Variants in RBM28 observed in about 807,000 individuals in gnomAD.
RBM28 encodes RNA binding motif protein 28, also known as RNA-binding protein 28.
A neutral mutation model predicts 98.3 loss-of-function variants in RBM28; 78 were observed. The observed-to-expected ratio is 0.79, with a 90% confidence interval of 0.66 to 0.96. RBM28 has a LOEUF of 0.96. Among genes scored for constraint, RBM28 ranks in the 40% least tolerant of loss-of-function variants. The probability of loss-of-function intolerance (pLI) is 0.00; values close to 1 mark genes in which losing one functional copy is unlikely to be tolerated. For synonymous variants in RBM28, 306 were observed against 330.9 expected (o/e 0.92, Z 0.82); for missense variants, 838 against 913.0 (o/e 0.92, Z 1.06).
At chr7:128,324,058 A>T (rs568208852) in intron 12 of RBM28, among the ~76,000 whole-genome samples, 4 of 152,366 alleles carry the variant, frequency 2.6e-5, no homozygotes, top group African/African-American at 9.6e-5. Context: ...GTCGAAGGCT[A>T]AAGGACATTA....
At chr7:128,335,732 A>C in intron 7 of RBM28, 53 bp from the exon 8 acceptor site, 3 of 1,613,878 alleles carry the variant, frequency 1.9e-6, no homozygotes, top group Non-Finnish European at 2.5e-6. Context: ...GGGCCTATTC[A>C]ATTTCATTAC....
Position 128,338,786 on chromosome 7 carries a change from A to C in RBM28, c.388T>G (p.Leu130Val). ...NLSFKCSEDD[L>V]KTVFAQFGAV... ...CCAAATTGAGCAAATACTGTCTTCAAGTCATCTTCTGAACACTGAAGCCAA... is the reference window on the plus strand; with the variant it reads ...CCAAATTGAGCAAATACTGTCTTCACGTCATCTTCTGAACACTGAAGCCAA... The change falls in exon 4 of 19, where the codon TTG (leucine) becomes GTG (valine). Residue 130 changes from leucine to valine, a missense_variant. Leu to Val is a conservative substitution (Grantham distance 32, BLOSUM62 1). Transcript: ENST00000223073. 6.2e-7 allele frequency: 1 copy of C among 1,611,326 alleles called. No homozygotes were observed. The highest frequency in any genetic ancestry group is 8.5e-7 in the Non-Finnish European group (1 of 1,177,494).
chr7:128,338,209 C>A (rs370025320), intron 5 of RBM28, 41 bp downstream of exon 5: 56 of 1,489,078 alleles, frequency 3.8e-5, no homozygotes, highest in Non-Finnish European at 5.2e-5. Context: ...ACCAAAACAC[C>A]AGAAATATCT....
At chr7:128,336,115 A>G in intron 6 of RBM28, 73 bp from the exon 7 acceptor site, 2 of 1,365,936 alleles carry the variant, frequency 1.5e-6, no homozygotes, top group East Asian at 4.8e-5. Flanking sequence ...AAAGTAACCA[A>G]TACTCCAAGT....
chr7:128,306,957 A>G lies in RBM28; in HGVS notation c.*3840T>C, dbSNP rs930730408. On this transcript the variant is annotated 3_prime_UTR_variant, in exon 19 of 19. Transcript: ENST00000223073. ...AGGAAGAGGTACCAGGACAAGAAGG[A>G]AAGAACTAAAACAAGGATGTGAATA... The G allele has an allele frequency of 4.6e-5, 7 of 152,192 alleles. No homozygotes were observed. The highest frequency in any genetic ancestry group is 2.6e-4 in the Admixed American group (4 of 15,280). 9.4% of individuals were successfully genotyped at this position (152,192 alleles called of 1,614,324 possible). A position where few individuals can be genotyped will look rare whatever the true frequency, so the allele number is the denominator to read the frequency against.
chr7:128,322,097 AAAT>A (rs1268349866), intron 13 of RBM28, among the ~76,000 whole-genome samples: 1 of 152,022 alleles, frequency 6.6e-6, no homozygotes, highest in Non-Finnish European at 1.5e-5. Context: ...AACAAACAAC[AAAT>A]AATACTGTGA....
At chr7:128,341,296 G>T in intron 1 of RBM28, 1 of 686,000 alleles carries the variant, frequency 1.5e-6, no homozygotes, top group Non-Finnish European at 2.2e-6. Flanking sequence ...TCACCTTTCA[G>T]AAAATGAGCA....
rs373595707 is a variant in RBM28 at position 128,301,142 on chromosome 7, C to G, written c.*9655G>C. On this transcript the variant is annotated 3_prime_UTR_variant, in exon 19 of 19. Coordinates refer to ENST00000223073, the MANE Select transcript of RBM28 (RefSeq NM_018077.3). ...AGCCAATCACCCTGGAAGTGGGCAA[C>G]CAGTCTTTCTCCCCTTTCCTGTGAA... 6.6e-6 allele frequency: 1 copy of G among 152,276 alleles called. No individual in the cohort carries two copies. The highest frequency in any genetic ancestry group is 1.5e-5 in the Non-Finnish European group (1 of 68,072). 9.4% of individuals were successfully genotyped at this position (152,276 alleles called of 1,614,324 possible). A position where few individuals can be genotyped will look rare whatever the true frequency, so the allele number is the denominator to read the frequency against.
intron 14 of RBM28, among the ~76,000 whole-genome samples, chr7:128,320,713 G>A (rs1481142522): frequency 6.6e-6 from 1 of 152,192 alleles, no homozygotes; most frequent in Non-Finnish European, 1.5e-5. Flanking sequence ...CACACAACAG[G>A]CATTTAATAA....
intron 1 of RBM28, among the ~76,000 whole-genome samples, chr7:128,343,223 G>A (rs1481662590): frequency 6.6e-6 from 1 of 152,216 alleles, no homozygotes; most frequent in African/African-American, 2.4e-5. Context: ...GTCCAGGTCT[G>A]AGGATCAAAT....
chr7:128,339,298 C>A lies in RBM28; in HGVS notation c.301G>T (p.Glu101Ter). 1.2e-6 allele frequency: 2 copies of A among 1,613,064 alleles called. No individual in the cohort carries two copies. Among genetic ancestry groups the A allele is most frequent in the Non-Finnish European group, 1.7e-6 (2 of 1,179,164 alleles). ...KNENSECPKK[E>*]PKAKKAKVAD... Reference sequence around the variant, plus strand: ...ACTTTGGCTTTTTTAGCCTTCGGCTCCTTCTTTGGGCACTCTGAGTTTTCT... The same window carrying A: ...ACTTTGGCTTTTTTAGCCTTCGGCTACTTCTTTGGGCACTCTGAGTTTTCT... The change falls in exon 3 of 19, where the codon GAG (glutamate) becomes TAG (stop). Residue 101 changes from glutamate to a stop codon, truncating the protein, a stop_gained. Coordinates refer to ENST00000223073, the MANE Select transcript of RBM28 (RefSeq NM_018077.3). LOFTEE classifies it high-confidence loss of function.
Position 128,338,685 on chromosome 7 carries a change from T to C in RBM28, c.448+41A>G, listed in dbSNP as rs375045853. The C allele has an allele frequency of 3.4e-5, 46 of 1,369,646 alleles. No homozygotes were observed. In the African/African-American group the frequency reaches 5.9e-4, roughly 17 times the overall value. The allele number at this position is 1,369,646 out of a possible 1,614,324, so 84.8% of individuals were successfully genotyped here. On this transcript the variant is annotated intron_variant, in intron 4 of 18. Coordinates refer to ENST00000223073, the MANE Select transcript of RBM28 (RefSeq NM_018077.3). ...TATATGTTTGTTCAAGGGTAATATG[T>C]TAACTAACGTAATCCACACCAAGTG...
rs575928972 is a variant in RBM28 at position 128,317,523 on chromosome 7, G to C, written c.1788+136C>G. 4.2e-4 allele frequency: 288 copies of C among 689,942 alleles called. 1 individual carries two copies. Among genetic ancestry groups the C allele is most frequent in the African/African-American group, 3.9e-3 (222 of 56,314 alleles). The allele number at this position is 689,942 out of a possible 1,614,324, so 42.7% of individuals were successfully genotyped here. On this transcript the variant is annotated intron_variant, in intron 16 of 18. Coordinates refer to ENST00000223073, the MANE Select transcript of RBM28 (RefSeq NM_018077.3). ...TAAGAAGATGGCCTGGAGAGGCTTA[G>C]GGAACTGGGAGTAAAGGGAACTAGG...
At position 128,307,753 on chromosome 7, in the gene RBM28, A is replaced by C. The variant is rs1342429779; in HGVS notation, c.*3044T>G. 1 of 152,214 alleles carries C rather than the reference A, an allele frequency of 6.6e-6. No homozygotes were observed. Among genetic ancestry groups the C allele is most frequent in the Non-Finnish European group, 1.5e-5 (1 of 68,034 alleles). The allele number at this position is 152,214 out of a possible 1,614,324, so 9.4% of individuals were successfully genotyped here. On this transcript the variant is annotated 3_prime_UTR_variant, in exon 19 of 19. Transcript: ENST00000223073. ...GGCTATTATATAATCAAGCAGGAAA[A>C]TACTACTAAAACTTGATAGTTTTGA... is the stretch of plus-strand genomic sequence containing the variant.
chr7:128,319,871 G>C (rs1205672844), intron 14 of RBM28, among the ~76,000 whole-genome samples: 1 of 152,164 alleles, frequency 6.6e-6, no homozygotes, highest in East Asian at 1.9e-4. Context: ...TCAGGAATTT[G>C]CGACCAGCCT....
intron 14 of RBM28, 116 bp downstream of exon 14, chr7:128,321,150 A>C: frequency 7.3e-7 from 1 of 1,375,414 alleles, no homozygotes; most frequent in Non-Finnish European, 1.0e-6. Context: ...TGGGCAACAG[A>C]GTGAGACTTC....
chr7:128,339,598 G>A (rs961512653), intron 2 of RBM28, 35 bp downstream of exon 2: 3 of 1,602,632 alleles, frequency 1.9e-6, no homozygotes, highest in Admixed American at 1.7e-5. Context: ...TCCTCACCCT[G>A]GGAGAAAAAC....
Position 128,343,708 on chromosome 7 carries a change from G to C in RBM28, c.86C>G (p.Pro29Arg), listed in dbSNP as rs757130468. 13 of 1,611,468 alleles carry C rather than the reference G, an allele frequency of 8.1e-6. No individual in the cohort carries two copies. Among genetic ancestry groups the C allele is most frequent in the East Asian group, 6.7e-5 (3 of 44,594 alleles). ...QLEELFSQVG[P>R]VKQCFVVTEK... ...AGTCACCACGAAGCACTGCTTCACCGGCCCCACCTGACTGAACAGTTCCTC... is the reference window on the plus strand; with the variant it reads ...AGTCACCACGAAGCACTGCTTCACCCGCCCCACCTGACTGAACAGTTCCTC... The change falls in exon 1 of 19, where the codon CCG becomes CGG. Residue 29 changes from proline to arginine, a missense_variant. Pro to Arg is a moderately radical substitution (Grantham distance 103, BLOSUM62 -2). Coordinates refer to ENST00000223073, the MANE Select transcript of RBM28 (RefSeq NM_018077.3).
At chr7:128,321,831 C>T (rs962135030) in intron 13 of RBM28, among the ~76,000 whole-genome samples, 3 of 151,966 alleles carry the variant, frequency 2.0e-5, no homozygotes, top group Non-Finnish European at 1.5e-5. Context: ...GCAGATCACC[C>T]GAGGTCAGGA....
Sources: gnomAD v4.1 joint callset for allele counts (sites outside exome capture counted in the v4.1 genomes callset) on GRCh38, gnomAD v4.1.1 for gene constraint, MANE v1.5 for transcripts, NCBI Gene and HGNC (gene_info 2026-07-23, HGNC 2026-07-21) for gene names.